ADAMTS9: variants seen among roughly 807,000 people sequenced by gnomAD.
ADAMTS9 encodes the protein ADAM metallopeptidase with thrombospondin type 1 motif 9, also known as A disintegrin and metalloproteinase with thrombospondin motifs 9.
ADAMTS9 carries 107 observed loss-of-function variants against 257.1 expected under a neutral mutation model. The observed-to-expected ratio is 0.42, with a 90% CI of 0.36 to 0.49. ADAMTS9 has a LOEUF of 0.49. Ranked by LOEUF, ADAMTS9 falls within the 20% of genes least tolerant of loss-of-function variation. The pLI, the probability that ADAMTS9 is intolerant of heterozygous loss-of-function variation, is 0.03. For missense variants in ADAMTS9, 2,353 were observed against 2,469.1 expected, an observed-to-expected ratio of 0.95 and a Z score of 1.00; for synonymous variants, 982 against 880.9, an observed-to-expected ratio of 1.11 and a Z score of -2.03.
At chr3:64,685,653 G>A (rs1231884154) in intron 2 of ADAMTS9, among the ~76,000 whole-genome samples, 2 of 152,126 alleles carry the variant, frequency 1.3e-5, no homozygotes, top group African/African-American at 4.8e-5. Context: ...AGAGAGTCGG[G>A]GAACCAACGT....
chr3:64,673,414 T>C (rs1316097602), intron 3 of ADAMTS9, among the ~76,000 whole-genome samples: 1 of 152,016 alleles, frequency 6.6e-6, no homozygotes, highest in East Asian at 1.9e-4. Flanking sequence ...CTGATGATGA[T>C]AAAGATGAAG....
rs75778158 is a variant in ADAMTS9, at chr3:64,658,942, G to A, written c.680-151C>T. On this transcript the variant is annotated intron_variant, in intron 3 of 39. Transcript: ENST00000498707. ...GGACTCTACAGATGCACCTCAATCCGTACTCCCACCTAAGTGACTAAGGAT... is the reference window on the plus strand; with the variant it reads ...GGACTCTACAGATGCACCTCAATCCATACTCCCACCTAAGTGACTAAGGAT... 3,727 of 761,486 alleles carry A rather than the reference G, an allele frequency of 4.9e-3. 84 individuals are homozygous for A. The African/African-American group carries it at 0.059, about 12-fold the overall frequency. 47.2% of individuals were successfully genotyped at this position (761,486 alleles called of 1,614,324 possible).
intron 8 of ADAMTS9, among the ~76,000 whole-genome samples, chr3:64,651,700 C>A (rs1700935505): frequency 6.6e-6 from 1 of 152,094 alleles, no homozygotes; most frequent in Non-Finnish European, 1.5e-5. Context: ...TAAAGGCATG[C>A]AAAGTTTGTG....
chr3:64,542,274 A>G (rs2083134853), intron 32 of ADAMTS9, among the ~76,000 whole-genome samples: 1 of 152,064 alleles, frequency 6.6e-6, no homozygotes, highest in Admixed American at 6.6e-5. Context: ...CAGTACCCCT[A>G]TGAGATAGTA....
chr3:64,633,762 G>C lies in ADAMTS9; in HGVS notation c.1974C>G (p.Asp658Glu). 1 of 1,613,600 alleles carries C rather than the reference G, an allele frequency of 6.2e-7. No homozygotes were observed. The change falls in exon 13 of 40, where the codon GAC (aspartate) becomes GAG (glutamate). Residue 658 changes from aspartate to glutamate, a missense_variant. Coordinates refer to ENST00000498707, the MANE Select transcript of ADAMTS9 (RefSeq NM_182920.2). ...DFRDEQCAHF[D>E]GKHFNINGLL... ...GACCGTTGATGTTAAAATGCTTCCC[G>C]TCAAAGTGAGCACACTGTTCATCTC...
At chr3:64,552,644 T>C (rs749755691) in intron 30 of ADAMTS9, among the ~76,000 whole-genome samples, 1 of 151,506 alleles carries the variant, frequency 6.6e-6, no homozygotes, top group Non-Finnish European at 1.5e-5. Context: ...GTGATCACAG[T>C]TTGCTATAGC....
intron 3 of ADAMTS9, among the ~76,000 whole-genome samples, chr3:64,671,089 C>T (rs904610727): frequency 2.6e-5 from 4 of 152,162 alleles, no homozygotes; most frequent in Admixed American, 6.5e-5. Flanking sequence ...AATCTGTATG[C>T]AAATGTTTAT....
chr3:64,534,583 G>C (rs1030631937), intron 37 of ADAMTS9, among the ~76,000 whole-genome samples: 1 of 152,144 alleles, frequency 6.6e-6, no homozygotes, highest in African/African-American at 2.4e-5. Flanking sequence ...GTGTAGCTTA[G>C]AGGTCTCTCA....
intron 21 of ADAMTS9, among the ~76,000 whole-genome samples, chr3:64,614,618 G>A (rs1360618512): frequency 6.6e-6 from 1 of 152,120 alleles, no homozygotes; most frequent in East Asian, 1.9e-4. Context: ...CGTGGAGTGA[G>A]TCCCTGCTTG....
intron 22 of ADAMTS9, among the ~76,000 whole-genome samples, chr3:64,611,294 A>C (rs2084662189): frequency 6.6e-6 from 1 of 152,190 alleles, no homozygotes; most frequent in South Asian, 2.1e-4. Context: ...ATAGCCATAC[A>C]ATGGAATATT....
At chr3:64,626,661 A>G (rs1700228757) in intron 16 of ADAMTS9, among the ~76,000 whole-genome samples, 1 of 152,206 alleles carries the variant, frequency 6.6e-6, no homozygotes, top group African/African-American at 2.4e-5. Context: ...TGCACGTAAG[A>G]AACCTGTAGT....
At chr3:64,657,601 G>A (rs190458673) in intron 4 of ADAMTS9, among the ~76,000 whole-genome samples, 136 of 152,104 alleles carry the variant, frequency 8.9e-4, no homozygotes, top group African/African-American at 2.7e-3. Flanking sequence ...GCCTCCTAAA[G>A]TGTTGGGATT....
intron 31 of ADAMTS9, among the ~76,000 whole-genome samples, chr3:64,549,945 GA>G (rs1026985228): frequency 6.8e-6 from 1 of 146,752 alleles, no homozygotes; most frequent in Non-Finnish European, 1.5e-5. Flanking sequence ...ATTAACATGT[GA>G]AATTGCTGCC....
intron 19 of ADAMTS9, among the ~76,000 whole-genome samples, chr3:64,617,417 A>C (rs977222932): frequency 6.6e-6 from 1 of 152,182 alleles, no homozygotes; most frequent in Non-Finnish European, 1.5e-5. Flanking sequence ...GAATCTGAGC[A>C]GAGAATCTTG....
At chr3:64,655,424 T>C in intron 6 of ADAMTS9, 152 bp downstream of exon 6, 1 of 644,008 alleles carries the variant, frequency 1.6e-6, no homozygotes, top group Non-Finnish European at 2.8e-6. Context: ...TTAAACATCT[T>C]GCAATGCACA....
At chr3:64,685,512 C>A (rs1233039931) in intron 2 of ADAMTS9, among the ~76,000 whole-genome samples, 2 of 152,202 alleles carry the variant, frequency 1.3e-5, no homozygotes, top group Non-Finnish European at 1.5e-5. Context: ...CAGAAACGCA[C>A]GTCGCTTGGG....
chr3:64,533,081 C>T, intron 38 of ADAMTS9, 85 bp downstream of exon 38: 3 of 1,274,522 alleles, frequency 2.4e-6, no homozygotes, highest in Non-Finnish European at 3.3e-6. Flanking sequence ...TCGTTTGCTC[C>T]TTCAGCACCA....
At chr3:64,590,328 A>C (rs917899151) in intron 28 of ADAMTS9, among the ~76,000 whole-genome samples, 3 of 152,228 alleles carry the variant, frequency 2.0e-5, no homozygotes, top group Admixed American at 1.3e-4. Context: ...TTACAAAATT[A>C]AAATGTATCT....
intron 29 of ADAMTS9, among the ~76,000 whole-genome samples, chr3:64,565,039 TGA>T (rs1182728209): frequency 6.6e-6 from 1 of 152,144 alleles, no homozygotes; most frequent in Admixed American, 6.5e-5. Flanking sequence ...AGGGTGTGGG[TGA>T]GAGGCCTGTC....
Sources: gnomAD v4.1 joint callset for allele counts (sites outside exome capture counted in the v4.1 genomes callset) on GRCh38, gnomAD v4.1.1 for gene constraint, MANE v1.5 for transcripts, NCBI Gene and HGNC (gene_info 2026-07-23, HGNC 2026-07-21) for gene names.